The following NDUFAF2 variants were observed in gnomAD, a reference collection of about 807,000 sequenced individuals.
NDUFAF2 encodes the protein NADH dehydrogenase [ubiquinone] 1 alpha subcomplex assembly factor 2.
In NDUFAF2, 13 loss-of-function variants were observed where a neutral mutation model predicts 22.8. That is an observed-to-expected ratio of 0.57 (90% CI 0.37 to 0.91). The LOEUF is 0.91. Among genes scored for constraint, NDUFAF2 ranks in the 40% least tolerant of loss-of-function variants. NDUFAF2 has a pLI of 0.01. For synonymous variants in NDUFAF2, 53 were observed against 64.2 expected, an observed-to-expected ratio of 0.83 and a Z score of 0.84; for missense variants, 162 against 195.2, an observed-to-expected ratio of 0.83 and a Z score of 1.01.
chr5:61,099,528 AATT>A (rs1309951382), intron 3 of NDUFAF2, among the ~76,000 whole-genome samples: 1 of 151,530 alleles, frequency 6.6e-6, no homozygotes, highest in African/African-American at 2.4e-5. Context: ...TTATAACAGT[AATT>A]ATTAGTTGAC....
chr5:61,006,960 G>T (rs1751374958), intron 1 of NDUFAF2, among the ~76,000 whole-genome samples: 2 of 152,040 alleles, frequency 1.3e-5, no homozygotes, highest in Non-Finnish European at 2.9e-5. Flanking sequence ...ATCTCTTAAA[G>T]AACGGATTTT....
At chr5:61,074,290 GA>G (rs1752338721) in intron 2 of NDUFAF2, among the ~76,000 whole-genome samples, 1 of 151,862 alleles carries the variant, frequency 6.6e-6, no homozygotes, top group South Asian at 2.1e-4. Flanking sequence ...CGTTTCTACT[GA>G]AAATATAAAA....
chr5:60,949,539 C>A (rs953668063), intron 1 of NDUFAF2, among the ~76,000 whole-genome samples: 44 of 152,294 alleles, frequency 2.9e-4, no homozygotes, highest in African/African-American at 1.0e-3. Flanking sequence ...CATAAGTTTT[C>A]ATTTTCCATG....
At chr5:61,070,296 G>A (rs1752278901) in intron 1 of NDUFAF2, among the ~76,000 whole-genome samples, 1 of 152,110 alleles carries the variant, frequency 6.6e-6, no homozygotes, top group African/African-American at 2.4e-5. Flanking sequence ...GTATAAGTAA[G>A]TGTACAGTTT....
chr5:60,947,407 T>A (rs1476135532), intron 1 of NDUFAF2, among the ~76,000 whole-genome samples: 8 of 152,224 alleles, frequency 5.3e-5, no homozygotes. Flanking sequence ...GACAGTCTTT[T>A]CATGTGCTTA....
chr5:60,952,065 CCT>C (rs933884949), intron 1 of NDUFAF2, among the ~76,000 whole-genome samples: 11 of 151,492 alleles, frequency 7.3e-5, no homozygotes, highest in Admixed American at 5.9e-4. Context: ...GTAGTGATAT[CCT>C]CTCTTTCCTG....
intron 1 of NDUFAF2, among the ~76,000 whole-genome samples, chr5:61,068,305 T>C (rs1022537374): frequency 6.6e-6 from 1 of 152,136 alleles, no homozygotes; most frequent in Admixed American, 6.6e-5. Context: ...TATCTTCACA[T>C]TTTAAACACA....
At chr5:60,946,404 G>T (rs747609539) in intron 1 of NDUFAF2, among the ~76,000 whole-genome samples, 3 of 152,116 alleles carry the variant, frequency 2.0e-5, no homozygotes, top group Non-Finnish European at 4.4e-5. Context: ...AATGTATTCT[G>T]TGATTTATCA....
At chr5:61,053,132 C>T (rs1483625007) in intron 1 of NDUFAF2, among the ~76,000 whole-genome samples, 2 of 152,206 alleles carry the variant, frequency 1.3e-5, no homozygotes, top group African/African-American at 4.8e-5. Flanking sequence ...CCTTAGAAGT[C>T]ATGTGTTGAA....
intron 1 of NDUFAF2, among the ~76,000 whole-genome samples, chr5:61,023,911 C>T (rs1751618422): frequency 6.6e-6 from 1 of 152,174 alleles, no homozygotes; most frequent in South Asian, 2.1e-4. Flanking sequence ...GGTGTATGTC[C>T]AAGCACTTAG....
intron 3 of NDUFAF2, among the ~76,000 whole-genome samples, chr5:61,125,649 A>G (rs1753027817): frequency 6.6e-6 from 1 of 152,140 alleles, no homozygotes; most frequent in Non-Finnish European, 1.5e-5. Flanking sequence ...GACAAGGCAG[A>G]TGGTTTAAAG....
intron 1 of NDUFAF2, among the ~76,000 whole-genome samples, chr5:61,068,772 A>G (rs1752259762): frequency 6.6e-6 from 1 of 152,046 alleles, no homozygotes; most frequent in Admixed American, 6.6e-5. Context: ...AGAAATAGTG[A>G]TTTTTACTCT....
intron 1 of NDUFAF2, among the ~76,000 whole-genome samples, chr5:60,970,960 G>C (rs1007813365): frequency 3.3e-5 from 5 of 151,988 alleles, no homozygotes; most frequent in Non-Finnish European, 5.9e-5. Context: ...TTTTTTTACT[G>C]TATTTTTATC....
chr5:61,084,338 T>G (rs1221294103), intron 2 of NDUFAF2, among the ~76,000 whole-genome samples: 1 of 150,874 alleles, frequency 6.6e-6, no homozygotes, highest in Non-Finnish European at 1.5e-5. Flanking sequence ...AATTTCCATT[T>G]TAGCCATTTT....
chr5:60,993,076 C>T (rs1027301678), intron 1 of NDUFAF2, among the ~76,000 whole-genome samples: 7 of 152,138 alleles, frequency 4.6e-5, no homozygotes, highest in East Asian at 1.9e-4. Flanking sequence ...AGACATGGAG[C>T]GGCAAGAGGT....
chr5:61,134,722 C>T (rs574763023), intron 3 of NDUFAF2, among the ~76,000 whole-genome samples: 5 of 151,862 alleles, frequency 3.3e-5, no homozygotes, highest in Non-Finnish European at 7.4e-5. Context: ...AATTAATTCC[C>T]CCCCCAAAAT....
chr5:61,077,341 G>A (rs1752382158), intron 2 of NDUFAF2, among the ~76,000 whole-genome samples: 1 of 152,172 alleles, frequency 6.6e-6, no homozygotes. Context: ...AAAAAAAAGT[G>A]TCATGTACTA....
chr5:61,146,259 C>T lies in NDUFAF2; in HGVS notation c.259-6445C>T, dbSNP rs893086768. ...CAATGGACAGTGTAACAATGCTTCT[C>T]ATGTGCTCAGGGAACTTAGATTTGG... On this transcript the variant is annotated intron_variant, in intron 3 of 3. Transcript: ENST00000296597. The T allele has an allele frequency of 1.6e-4, 24 of 152,114 alleles. 1 individual carries two copies. The highest frequency in any genetic ancestry group is 4.4e-5 in the Non-Finnish European group (3 of 68,040). The allele number at this position is 152,114 out of a possible 1,614,324, so 9.4% of individuals were successfully genotyped here.
chr5:61,117,680 T>A (rs200115329), intron 3 of NDUFAF2, among the ~76,000 whole-genome samples: 3,341 of 150,992 alleles, frequency 0.022, 95 homozygotes, highest in African/African-American at 0.062. Flanking sequence ...GACTTTTTTT[T>A]AAAAAAAAAA....
Sources: allele counts gnomAD v4.1 joint callset (sites outside exome capture counted in the v4.1 genomes callset), GRCh38; gene constraint gnomAD v4.1.1; transcripts MANE v1.5; gene names NCBI Gene and HGNC (gene_info 2026-07-23, HGNC 2026-07-21).